The following ACAP2 variants were observed in gnomAD, a reference collection of about 807,000 sequenced individuals.
ACAP2 encodes arf-GAP with coiled-coil, ANK repeat and PH domain-containing protein 2.
A neutral mutation model predicts 115.8 loss-of-function variants in ACAP2; 39 were observed. That is an observed-to-expected ratio of 0.34 (90% CI 0.26 to 0.44). The LOEUF (loss-of-function observed/expected upper bound fraction) is 0.44, where lower values mean the gene tolerates loss of function less well. Among genes scored for constraint, ACAP2 ranks in the 20% least tolerant of loss-of-function variants. The pLI, the probability that ACAP2 is intolerant of heterozygous loss-of-function variation, is 1.00. For missense variants in ACAP2, 662 were observed against 927.6 expected, an observed-to-expected ratio of 0.71 and a Z score of 3.72; for synonymous variants, 289 against 315.8, an observed-to-expected ratio of 0.92 and a Z score of 0.90.
At chr3:195,417,590 A>G (rs189215189) in intron 1 of ACAP2, among the ~76,000 whole-genome samples, 2 of 152,262 alleles carry the variant, frequency 1.3e-5, no homozygotes, top group East Asian at 1.9e-4. Context: ...TCTTGCCCCA[A>G]TGAAGTTAAT....
chr3:195,291,853 A>C, intron 19 of ACAP2, 38 bp from the exon 20 acceptor site: 5 of 1,529,294 alleles, frequency 3.3e-6, no homozygotes, highest in Non-Finnish European at 4.4e-6. Context: ...GACAAAAGCA[A>C]ATAACAAGAA....
In ACAP2 at chr3:195,295,782, C is replaced by T. The variant is rs777821919; in HGVS notation, c.1598G>A (p.Ser533Asn). ...PEQQKKFVSK[S>N]SEEKRLSISK... ...AATGCTCAGCCTCTTTTCTTCAGAA[C>T]TTTTAGAGACAAACTTTTTTTGCTG... Residue 533 changes from serine (S) to asparagine (N), a missense_variant, in exon 17 of 23, where the codon AGT (serine) becomes AAT (asparagine). Ser to Asn is a conservative substitution (Grantham distance 46, BLOSUM62 1). This residue lies in a region of ACAP2 where 133 missense variants were observed against 123.1 expected (regional missense o/e 1.08). Coordinates refer to ENST00000326793, the MANE Select transcript of ACAP2 (RefSeq NM_012287.6). 1.2e-6 allele frequency: 2 copies of T among 1,614,050 alleles called. No homozygotes were observed. Among genetic ancestry groups the T allele is most frequent in the Non-Finnish European group, 1.7e-6 (2 of 1,179,984 alleles).
intron 22 of ACAP2, chr3:195,280,750 G>A (rs894278023): frequency 1.3e-5 from 2 of 152,050 alleles, no homozygotes; most frequent in Non-Finnish European, 2.9e-5. Context: ...TCCCTCAGAC[G>A]AAGGAATCTT....
At chr3:195,309,357 C>CA (rs1728613288) in intron 10 of ACAP2, among the ~76,000 whole-genome samples, 1 of 152,008 alleles carries the variant, frequency 6.6e-6, no homozygotes, top group Admixed American at 6.5e-5. Flanking sequence ...CCAGCCTGAC[C>CA]AACATGGTGA....
At chr3:195,285,712 A>G in intron 22 of ACAP2, 84 bp downstream of exon 22, 1 of 1,146,638 alleles carries the variant, frequency 8.7e-7, no homozygotes, top group Non-Finnish European at 1.3e-6. Flanking sequence ...CTAAAGAACT[A>G]TGAATCTTCC....
At chr3:195,432,526 C>T (rs1486330415) in intron 1 of ACAP2, among the ~76,000 whole-genome samples, 1 of 152,220 alleles carries the variant, frequency 6.6e-6, no homozygotes, top group African/African-American at 2.4e-5. Flanking sequence ...CTGGACTCTT[C>T]AATTCTATTT....
chr3:195,376,007 T>C (rs1733502708), intron 4 of ACAP2, among the ~76,000 whole-genome samples: 1 of 152,094 alleles, frequency 6.6e-6, no homozygotes, highest in Admixed American at 6.6e-5. Flanking sequence ...TCTAGGAAAA[T>C]AAGCCACTCT....
chr3:195,360,731 T>C (rs1181475803), intron 4 of ACAP2, among the ~76,000 whole-genome samples: 5 of 151,852 alleles, frequency 3.3e-5, no homozygotes, highest in Admixed American at 6.6e-5. Flanking sequence ...GAGGCAGAGG[T>C]TGCAGTGAGT....
At chr3:195,429,433 C>G (rs1714941789) in intron 1 of ACAP2, among the ~76,000 whole-genome samples, 1 of 150,430 alleles carries the variant, frequency 6.6e-6, no homozygotes, top group South Asian at 2.1e-4. Flanking sequence ...GGATCAATCT[C>G]ATAGTTAAAA....
At chr3:195,389,625 T>A (rs1413510164) in intron 2 of ACAP2, among the ~76,000 whole-genome samples, 1 of 152,204 alleles carries the variant, frequency 6.6e-6, no homozygotes, top group East Asian at 1.9e-4. Flanking sequence ...TTTGAGAATT[T>A]AAAATTTTGT....
intron 1 of ACAP2, among the ~76,000 whole-genome samples, chr3:195,432,022 C>T (rs1460432855): frequency 6.6e-6 from 1 of 152,128 alleles, no homozygotes; most frequent in Admixed American, 6.6e-5. Context: ...GAAATACTTA[C>T]TCAAATCCTT....
At chr3:195,383,762 TA>T (rs1182424274) in intron 2 of ACAP2, among the ~76,000 whole-genome samples, 4 of 151,644 alleles carry the variant, frequency 2.6e-5, no homozygotes, top group Non-Finnish European at 5.9e-5. Flanking sequence ...TTCCGTACCA[TA>T]AAAAAGGGTA....
At chr3:195,385,990 T>A (rs1734275144) in intron 2 of ACAP2, among the ~76,000 whole-genome samples, 1 of 152,126 alleles carries the variant, frequency 6.6e-6, no homozygotes, top group Non-Finnish European at 1.5e-5. Flanking sequence ...GGGAAACAAC[T>A]CAAATGTCCA....
chr3:195,402,212 T>C (rs567610170), intron 1 of ACAP2, among the ~76,000 whole-genome samples: 30 of 152,312 alleles, frequency 2.0e-4, no homozygotes, highest in African/African-American at 6.5e-4. Context: ...GAATGGGTGA[T>C]GAATGGAGCA....
intron 22 of ACAP2, among the ~76,000 whole-genome samples, chr3:195,280,155 A>G (rs548984786): frequency 6.6e-6 from 1 of 152,134 alleles, no homozygotes; most frequent in Non-Finnish European, 1.5e-5. Context: ...ACATCTCTAC[A>G]AAAATTAACA....
At chr3:195,356,082 A>G (rs1731943011) in intron 4 of ACAP2, 1 of 456,428 alleles carries the variant, frequency 2.2e-6, no homozygotes, top group African/African-American at 2.0e-5. Flanking sequence ...ATATTGCTGA[A>G]AGAGGCAGTG....
chr3:195,318,848 A>AT (rs1387890570), intron 10 of ACAP2, among the ~76,000 whole-genome samples: 5 of 152,366 alleles, frequency 3.3e-5, no homozygotes, highest in Non-Finnish European at 5.9e-5. Context: ...TGCAAAAATA[A>AT]TGAGGAGCTG....
intron 1 of ACAP2, among the ~76,000 whole-genome samples, chr3:195,393,287 A>G (rs1000136489): frequency 2.6e-5 from 4 of 152,210 alleles, no homozygotes; most frequent in African/African-American, 9.6e-5. Flanking sequence ...AGTGCACTCC[A>G]GCCTAGGTGC....
At chr3:195,427,659 T>A (rs370014702) in intron 1 of ACAP2, among the ~76,000 whole-genome samples, 16 of 152,256 alleles carry the variant, frequency 1.1e-4, no homozygotes, top group African/African-American at 3.9e-4. Flanking sequence ...CCTGTAATCC[T>A]AGCACTTTGA....
Sources: allele counts gnomAD v4.1 joint callset (sites outside exome capture counted in the v4.1 genomes callset), GRCh38; gene constraint gnomAD v4.1.1; regional missense constraint gnomAD v4.1.1; transcripts MANE v1.5; gene names NCBI Gene and HGNC (gene_info 2026-07-23, HGNC 2026-07-21).